Variants in CSMD1 observed in about 807,000 individuals in gnomAD.
The protein encoded by CSMD1 is CUB and sushi domain-containing protein 1.
A neutral mutation model predicts 417.5 loss-of-function variants in CSMD1; 213 were observed. That is an observed-to-expected ratio of 0.51 (90% CI 0.46 to 0.57). The LOEUF is 0.57. CSMD1 is among the 20% of genes least tolerant of loss of function. The pLI is 0.00. For missense variants in CSMD1, 6,923 were observed against 4,529.7 expected (o/e 1.53, Z -15.17); for synonymous variants, 2,862 against 1,736.8 (o/e 1.65, Z -16.11).
chr8:3,709,513 G>C (rs531029009), intron 6 of CSMD1, among the ~76,000 whole-genome samples: 1 of 151,844 alleles, frequency 6.6e-6, no homozygotes, highest in Non-Finnish European at 1.5e-5. Flanking sequence ...AGAATGTCAT[G>C]GATGATATTA....
chr8:4,007,512 T>A (rs886864517), intron 4 of CSMD1, among the ~76,000 whole-genome samples: 1 of 151,966 alleles, frequency 6.6e-6, no homozygotes, highest in Non-Finnish European at 1.5e-5. Flanking sequence ...GCCACCATAT[T>A]TAAACTAGCA....
intron 5 of CSMD1, among the ~76,000 whole-genome samples, chr8:3,864,227 A>G (rs1162679335): frequency 3.9e-5 from 6 of 152,224 alleles, no homozygotes; most frequent in African/African-American, 1.4e-4. Flanking sequence ...TTGCTCATAC[A>G]AACCCATAGA....
At chr8:4,861,266 G>A (rs940458037) in intron 1 of CSMD1, among the ~76,000 whole-genome samples, 1 of 152,088 alleles carries the variant, frequency 6.6e-6, no homozygotes. Flanking sequence ...CATTCAGAAA[G>A]TCACAGCAAC....
intron 2 of CSMD1, among the ~76,000 whole-genome samples, chr8:4,508,492 T>A (rs943126674): frequency 2.6e-5 from 4 of 152,230 alleles, no homozygotes; most frequent in African/African-American, 9.6e-5. Context: ...AGTAGTATTT[T>A]CTTTCTTTTT....
chr8:3,607,295 C>A (rs1384141989), intron 8 of CSMD1, among the ~76,000 whole-genome samples: 1 of 152,186 alleles, frequency 6.6e-6, no homozygotes, highest in East Asian at 1.9e-4. Context: ...ATAAATGAAG[C>A]TGTCATGTCC....
chr8:4,231,899 A>C (rs911733682), intron 3 of CSMD1, among the ~76,000 whole-genome samples: 2 of 150,866 alleles, frequency 1.3e-5, no homozygotes, highest in South Asian at 2.1e-4. Context: ...TGTTTTACTA[A>C]AATTTCTGAA....
At chr8:3,456,356 G>C (rs1480824664) in intron 12 of CSMD1, among the ~76,000 whole-genome samples, 1 of 151,906 alleles carries the variant, frequency 6.6e-6, no homozygotes, top group Admixed American at 6.6e-5. Context: ...ACCTCAGTTA[G>C]AAATGCAGAA....
At chr8:3,093,265 C>T (rs997092418) in intron 47 of CSMD1, among the ~76,000 whole-genome samples, 5 of 152,126 alleles carry the variant, frequency 3.3e-5, no homozygotes, top group Non-Finnish European at 5.9e-5. Flanking sequence ...ACAGGCACGC[C>T]CTGAGTGGGG....
chr8:3,814,699 G>C (rs1344943860), intron 5 of CSMD1, among the ~76,000 whole-genome samples: 1 of 152,106 alleles, frequency 6.6e-6, no homozygotes, highest in Non-Finnish European at 1.5e-5. Flanking sequence ...TAGCCCTCTG[G>C]TGATCGCTGA....
intron 2 of CSMD1, among the ~76,000 whole-genome samples, chr8:4,601,696 C>T (rs539631846): frequency 3.3e-5 from 5 of 152,262 alleles, no homozygotes; most frequent in East Asian, 1.9e-4. Context: ...ATGAGGGGAT[C>T]GTGATCTCCA....
intron 3 of CSMD1, among the ~76,000 whole-genome samples, chr8:4,184,692 G>C (rs1398484796): frequency 6.6e-6 from 1 of 152,150 alleles, no homozygotes; most frequent in Non-Finnish European, 1.5e-5. Context: ...ACAGACACCA[G>C]AGGTTGGAAG....
At chr8:4,524,132 G>A (rs1243381066) in intron 2 of CSMD1, among the ~76,000 whole-genome samples, 1 of 151,944 alleles carries the variant, frequency 6.6e-6, no homozygotes, top group African/African-American at 2.4e-5. Context: ...AATTAAAAAG[G>A]AAATCCAGAC....
At chr8:4,798,790 G>A (rs61045925) in intron 1 of CSMD1, among the ~76,000 whole-genome samples, 1 of 152,004 alleles carries the variant, frequency 6.6e-6, no homozygotes, top group African/African-American at 2.4e-5. Flanking sequence ...AACTTCAAAA[G>A]TAGAAACTGG....
At chr8:4,621,301 A>G (rs1156550946) in intron 2 of CSMD1, among the ~76,000 whole-genome samples, 3 of 152,194 alleles carry the variant, frequency 2.0e-5, no homozygotes, top group Non-Finnish European at 4.4e-5. Flanking sequence ...TATATATGCA[A>G]CTCATCAAAG....
intron 3 of CSMD1, among the ~76,000 whole-genome samples, chr8:4,095,364 C>T (rs1425066705): frequency 6.6e-6 from 1 of 151,558 alleles, no homozygotes; most frequent in South Asian, 2.1e-4. Flanking sequence ...TTGTATGTGG[C>T]TGATGTAGAA....
intron 1 of CSMD1, among the ~76,000 whole-genome samples, chr8:4,835,823 G>T (rs78383935): frequency 2.2e-4 from 33 of 151,534 alleles, no homozygotes; most frequent in African/African-American, 6.8e-4. Context: ...ATCCAGACAT[G>T]GAATTACTTG....
At chr8:3,166,688 T>C (rs187997317) in intron 37 of CSMD1, among the ~76,000 whole-genome samples, 6 of 152,244 alleles carry the variant, frequency 3.9e-5, no homozygotes, top group East Asian at 1.9e-4. Flanking sequence ...GGCAAACCTA[T>C]AGAAATAGAC....
intron 3 of CSMD1, among the ~76,000 whole-genome samples, chr8:4,352,872 C>A (rs139648102): frequency 6.0e-4 from 91 of 152,170 alleles, no homozygotes; most frequent in African/African-American, 2.2e-3. Context: ...TTGTATTGAT[C>A]GTCAGCCATA....
chr8:4,709,422 G>C (rs569027020), intron 1 of CSMD1, among the ~76,000 whole-genome samples: 1 of 152,112 alleles, frequency 6.6e-6, no homozygotes, highest in Non-Finnish European at 1.5e-5. Context: ...TTTTACTTGG[G>C]GCTGCCCTGG....
Sources: gnomAD v4.1 joint callset for allele counts (sites outside exome capture counted in the v4.1 genomes callset) on GRCh38, gnomAD v4.1.1 for gene constraint, MANE v1.5 for transcripts, NCBI Gene and HGNC (gene_info 2026-07-23, HGNC 2026-07-21) for gene names.